The following TMEM63A variants were observed in gnomAD, a reference collection of about 807,000 sequenced individuals.
The protein encoded by TMEM63A is mechanosensitive cation channel TMEM63A.
In TMEM63A, 76 loss-of-function variants were observed where a neutral mutation model predicts 100.6. That is an observed-to-expected ratio of 0.76 (90% CI 0.63 to 0.91). The LOEUF (loss-of-function observed/expected upper bound fraction) is 0.91, where lower values mean the gene tolerates loss of function less well. Among genes scored for constraint, TMEM63A ranks in the 40% least tolerant of loss-of-function variants. The pLI is 0.00. For missense variants in TMEM63A, 876 were observed against 1,008.8 expected (o/e 0.87, Z 1.78); for synonymous variants, 401 against 401.1 (o/e 1.00, Z 0.00).
In TMEM63A at chr1:225,845,623, CAG is replaced by C; in HGVS notation, c.*1314_*1315del. The C allele has an allele frequency of 3.8e-6, 2 of 526,762 alleles. No individual in the cohort carries two copies. The highest frequency in any genetic ancestry group is 3.4e-5 in the East Asian group (1 of 29,582). The allele number at this position is 526,762 out of a possible 1,614,324, so 32.6% of individuals were successfully genotyped here. On this transcript the variant is annotated 3_prime_UTR_variant, in exon 25 of 25. Transcript: ENST00000366835. ...CCCCACATGGGGCCCCCTGTGCAAGCAGAGCTGGCCGGCCCCTCCTTGCTGGC... is the reference window on the plus strand; with the variant it reads ...CCCCACATGGGGCCCCCTGTGCAAGCAGCTGGCCGGCCCCTCCTTGCTGGC...
intron 17 of TMEM63A, among the ~76,000 whole-genome samples, chr1:225,856,364 C>T (rs1669613357): frequency 6.9e-6 from 1 of 145,978 alleles, no homozygotes; most frequent in Admixed American, 6.7e-5. Flanking sequence ...GAGTCTCACG[C>T]CTGTAATCCC....
chr1:225,870,000 A>G (rs1670422024), intron 6 of TMEM63A, among the ~76,000 whole-genome samples: 1 of 152,054 alleles, frequency 6.6e-6, no homozygotes, highest in Non-Finnish European at 1.5e-5. Context: ...CGCTATCGTT[A>G]TAGTTGATGG....
In TMEM63A at chr1:225,865,874, C is replaced by T. The variant is rs1287237922; in HGVS notation, c.746+23G>A. 21 of 1,612,888 alleles carry T rather than the reference C, an allele frequency of 1.3e-5. No homozygotes were observed. Among genetic ancestry groups the T allele is most frequent in the Non-Finnish European group, 1.8e-5 (21 of 1,179,512 alleles). ...GGTCCTACGTGGAGGGGGCTCAGCT[C>T]CCCTCCCACCCCACCTGCTTACCGG... On this transcript the variant is annotated intron_variant, in intron 10 of 24. Coordinates refer to ENST00000366835, the MANE Select transcript of TMEM63A (RefSeq NM_014698.3). The surrounding 1 kb of genome is among the most constrained non-coding windows in gnomAD (Gnocchi z 4.6).
intron 6 of TMEM63A, among the ~76,000 whole-genome samples, chr1:225,870,454 G>A (rs1333211796): frequency 3.3e-5 from 4 of 119,832 alleles, no homozygotes; most frequent in Admixed American, 8.5e-5. Flanking sequence ...GCCCCCCCCC[G>A]CCTCCTGGCT....
intron 8 of TMEM63A, 55 bp from the exon 9 acceptor site, chr1:225,866,737 G>T (rs533810498): frequency 4.1e-5 from 63 of 1,544,568 alleles, no homozygotes; most frequent in Non-Finnish European, 5.6e-5. Context: ...GGAGCTGGGG[G>T]TGCAGAGCTG....
rs1170838405 is a variant in TMEM63A at position 225,867,435 on chromosome 1, T to C, written c.515-272A>G. On this transcript the variant is annotated intron_variant, in intron 7 of 24. Transcript: ENST00000366835. This position sits in a 1 kb window ranked among gnomAD's most constrained non-coding sequence, Gnocchi z 4.6. ...GAAAACTAAAAACATCCTATGTTGT[T>C]ACAAAACCAACGTTGGGAACCACTG... Among the ~76,000 whole-genome samples, 1 of 152,226 alleles carries C rather than the reference T, an allele frequency of 6.6e-6. No homozygotes were observed. The highest frequency in any genetic ancestry group is 1.5e-5 in the Non-Finnish European group (1 of 68,032).
At chr1:225,876,396 G>A (rs12042321) in intron 3 of TMEM63A, among the ~76,000 whole-genome samples, 1 of 151,920 alleles carries the variant, frequency 6.6e-6, no homozygotes, top group Admixed American at 6.6e-5. Flanking sequence ...TACTCCATCA[G>A]AGCCATCTGC....
chr1:225,845,063 C>T (rs1668828357), downstream of TMEM63A: 1 of 1,454,374 alleles, frequency 6.9e-7, no homozygotes, highest in African/African-American at 1.4e-5. Flanking sequence ...GATCTCACCC[C>T]CAGGCGCTTT....
rs1669472626 is a variant in TMEM63A, at chr1:225,853,749, A to G, written c.1677T>C (p.Tyr559=). ...TGCCGATGAAGGCCGAGGCGATGAC[A>G]TAGTTCACAAAGAAGGCACCCTGGT... The part of the protein sequence containing the change: ...LPDQGAFFVN[Y]VIASAFIGNG... The change falls in exon 19 of 25, where the codon TAT becomes TAC. Residue 559 remains tyrosine (Y), a synonymous_variant. Transcript: ENST00000366835. The surrounding 1 kb of genome is among the most constrained non-coding windows in gnomAD (Gnocchi z 4.0). 5 of 1,607,828 alleles carry G rather than the reference A, an allele frequency of 3.1e-6. No individual in the cohort carries two copies. In the African/African-American group the frequency reaches 6.7e-5, roughly 21 times the overall value.
In TMEM63A at chr1:225,855,934, A is replaced by G. The variant is rs1356310544; in HGVS notation, c.1578T>C (p.Asp526=). 2 of 1,613,976 alleles carry G rather than the reference A, an allele frequency of 1.2e-6. No individual in the cohort carries two copies. Among genetic ancestry groups the G allele is most frequent in the Non-Finnish European group, 1.7e-6 (2 of 1,180,004 alleles). The change falls in exon 18 of 25, where the codon GAT becomes GAC. Residue 526 remains aspartate (D), a synonymous_variant. Transcript: ENST00000366835. ...TGTCAAAGAGCCACCGGAAGAAAAA[A>G]TCTAGACTGAAAAACAAAGGAACCC... The part of the protein sequence containing the change: ...ILPSLGLTSL[D]FFFRWLFDKT...
Position 225,852,776 on chromosome 1 carries a change from G to T in TMEM63A, c.1798-7C>A. On this transcript the variant is annotated splice_region_variant and splice_polypyrimidine_tract_variant and intron_variant, in intron 19 of 24. Coordinates refer to ENST00000366835, the MANE Select transcript of TMEM63A (RefSeq NM_014698.3). The stretch of plus-strand genomic sequence containing the variant: ...CGTACTGGAAGGCCTGGTTCTGGGA[G>T]GAGGAGGTGGTGAGGAGCTCATGGA... 1 of 1,613,538 alleles carries T rather than the reference G, an allele frequency of 6.2e-7. No homozygotes were observed. Among genetic ancestry groups the T allele is most frequent in the African/African-American group, 1.3e-5 (1 of 75,066 alleles).
At chr1:225,861,390 G>A (rs1051718585) in intron 13 of TMEM63A, 4 of 155,496 alleles carry the variant, frequency 2.6e-5, no homozygotes, top group Non-Finnish European at 5.7e-5. Flanking sequence ...AATAGACCAC[G>A]TTACACATTG....
intron 19 of TMEM63A, among the ~76,000 whole-genome samples, chr1:225,852,993 C>G (rs1669429463): frequency 6.6e-6 from 1 of 152,202 alleles, no homozygotes; most frequent in Non-Finnish European, 1.5e-5. Context: ...GCTAGTGCTC[C>G]CTTCGTTCCA....
downstream of TMEM63A, among the ~76,000 whole-genome samples, chr1:225,843,401 G>C (rs1668599633): frequency 6.6e-6 from 1 of 152,196 alleles, no homozygotes; most frequent in Admixed American, 6.5e-5. Context: ...ACTGGGGCCA[G>C]ATCAAAAGCA....
At chr1:225,863,153 A>G (rs1670030208) in intron 10 of TMEM63A, 2 of 348,266 alleles carry the variant, frequency 5.7e-6, no homozygotes, top group South Asian at 6.2e-5. Context: ...TTCTGGGCTC[A>G]ATCAATCCTC....
intron 1 of TMEM63A, among the ~76,000 whole-genome samples, chr1:225,881,774 C>G (rs144911167): frequency 1.3e-5 from 2 of 152,312 alleles, no homozygotes; most frequent in East Asian, 3.9e-4. Flanking sequence ...CTTAGCAGAG[C>G]TCGCCTCACC....
chr1:225,848,693 G>A (rs1201338046), intron 22 of TMEM63A, 139 bp from the exon 23 acceptor site: 1 of 983,290 alleles, frequency 1.0e-6, no homozygotes, highest in African/African-American at 1.6e-5. Flanking sequence ...GAGAGAGGAT[G>A]GGGTGGGGGA....
intron 20 of TMEM63A, among the ~76,000 whole-genome samples, chr1:225,850,610 G>A (rs1348829155): frequency 6.6e-6 from 1 of 152,180 alleles, no homozygotes; most frequent in Non-Finnish European, 1.5e-5. Context: ...CATTTAGTCT[G>A]TACTAAATAA....
At chr1:225,844,588 C>A, downstream of TMEM63A, 1 of 1,614,144 alleles carries the variant, frequency 6.2e-7, no homozygotes, top group Non-Finnish European at 8.5e-7. Context: ...ACAAGGAGAA[C>A]CTGGGACAGG....
Sources: allele counts gnomAD v4.1 joint callset (sites outside exome capture counted in the v4.1 genomes callset), GRCh38; gene constraint gnomAD v4.1.1; non-coding constraint Gnocchi (gnomAD v3.1); transcripts MANE v1.5; gene names NCBI Gene and HGNC (gene_info 2026-07-23, HGNC 2026-07-21).